The following THBS4 variants were observed in gnomAD, a reference collection of about 807,000 sequenced individuals.
THBS4 encodes the protein thrombospondin-4.
Under a neutral mutation model 115.7 loss-of-function variants are expected in THBS4, and 90 were observed. The ratio of observed to expected loss-of-function variants is 0.78; its 90% confidence interval spans 0.66 to 0.93. THBS4 has a LOEUF of 0.93. Ranked by LOEUF, THBS4 falls within the 40% of genes least tolerant of loss-of-function variation. THBS4 has a pLI of 0.00. For missense variants in THBS4, 1,087 were observed against 1,232.7 expected, an observed-to-expected ratio of 0.88 and a Z score of 1.77; for synonymous variants, 460 against 479.3, an observed-to-expected ratio of 0.96 and a Z score of 0.53.
chr5:80,059,192 T>C (rs572159194), intron 5 of THBS4, among the ~76,000 whole-genome samples: 1 of 151,996 alleles, frequency 6.6e-6, no homozygotes, highest in Non-Finnish European at 1.5e-5. Flanking sequence ...TAGCCAGGCA[T>C]GGTGGTGCAT....
At chr5:80,070,554 C>T (rs1834003412) in intron 11 of THBS4, 89 bp from the exon 12 acceptor site, 3 of 1,417,114 alleles carry the variant, frequency 2.1e-6, no homozygotes, top group Non-Finnish European at 3.0e-6. Context: ...CAGCCACCAA[C>T]AATAAAGCCA....
Position 80,055,845 on chromosome 5 carries a change from A to C in THBS4, c.353A>C (p.Gln118Pro), listed in dbSNP as rs775964797. 1 of 1,614,196 alleles carries C rather than the reference A, an allele frequency of 6.2e-7. No homozygotes were observed. Among genetic ancestry groups the C allele is most frequent in the Non-Finnish European group, 8.5e-7 (1 of 1,180,018 alleles). The change falls in exon 3 of 22, where the codon CAG becomes CCG. Residue 118 changes from glutamine (Q) to proline (P), a missense_variant. By Grantham distance (76) the Gln-to-Pro change is moderately conservative. This residue lies in a region of THBS4 where 979 missense variants were observed against 1,103.7 expected (regional missense o/e 0.89). Coordinates refer to ENST00000350881, the MANE Select transcript of THBS4 (RefSeq NM_003248.6). ...KVHLVVFNNL[Q>P]LADGRRHRIL... The stretch of plus-strand genomic sequence containing the variant: ...CATTTGGTGGTTTTCAACAACCTGC[A>C]GCTGGCAGACGGAAGGCGGCACAGG...
chr5:80,020,771 G>A (rs1254821115), intron 2 of THBS4, among the ~76,000 whole-genome samples: 1 of 152,118 alleles, frequency 6.6e-6, no homozygotes, highest in African/African-American at 2.4e-5. Context: ...TGTCTACCCT[G>A]AGCTTTTCTC....
At chr5:80,079,865 C>A in intron 19 of THBS4, 40 bp from the exon 20 acceptor site, 1 of 1,600,168 alleles carries the variant, frequency 6.2e-7, no homozygotes, top group Non-Finnish European at 8.5e-7. Flanking sequence ...AGGGTGGTGC[C>A]TGTGTCCTGT....
chr5:80,002,960 TA>T, intron 2 of THBS4, among the ~76,000 whole-genome samples: 1 of 152,162 alleles, frequency 6.6e-6, no homozygotes, highest in Middle Eastern at 3.4e-3. Context: ...TCTTTCTCTT[TA>T]AAATTTTAAC....
chr5:80,013,269 A>T (rs1478188854), intron 2 of THBS4, among the ~76,000 whole-genome samples: 2 of 151,934 alleles, frequency 1.3e-5, no homozygotes, highest in African/African-American at 4.8e-5. Context: ...CCTCCCAAGT[A>T]GCTGGGATTA....
rs373743893 is a variant in THBS4 at position 80,040,111 on chromosome 5, A to T, written c.123A>T (p.Leu41=). The T allele has an allele frequency of 1.6e-5, 26 of 1,614,018 alleles. No individual in the cohort carries two copies. Among genetic ancestry groups the T allele is most frequent in the Non-Finnish European group, 2.0e-5 (24 of 1,180,004 alleles). Residue 41 remains leucine (L), a synonymous_variant, in exon 2 of 22, where the codon CTA becomes CTT. Transcript: ENST00000350881. ...TTCTCCCATCTTCCAGTCAGAGGCT[A>T]AACCCAGGCGCTCTGCTGCCAGTCC... The part of the protein sequence containing the change: ...FDLLPSSSQR[L]NPGALLPVLT...
At chr5:79,996,362 G>A (rs374920910) in intron 1 of THBS4, among the ~76,000 whole-genome samples, 10 of 152,136 alleles carry the variant, frequency 6.6e-5, no homozygotes, top group African/African-American at 1.7e-4. Flanking sequence ...GCCCCAGAAT[G>A]TAACAAGATC....
intron 2 of THBS4, among the ~76,000 whole-genome samples, chr5:80,029,737 A>G (rs1428247426): frequency 6.6e-6 from 1 of 151,902 alleles, no homozygotes; most frequent in African/African-American, 2.4e-5. Context: ...AGGCGGGCTG[A>G]TCGTGAGGTC....
At position 80,083,203 on chromosome 5, in the gene THBS4, A is replaced by G; in HGVS notation, c.*62A>G. ...TAAAACCATATATATTTTAACTTCA[A>G]TTTTCTTTAGCTTTTACCAACCCAA... is the stretch of plus-strand genomic sequence containing the variant. On this transcript the variant is annotated 3_prime_UTR_variant, in exon 22 of 22. Transcript: ENST00000350881. 6.9e-7 allele frequency: 1 copy of G among 1,456,834 alleles called. No homozygotes were observed. The highest frequency in any genetic ancestry group is 1.1e-5 in the South Asian group (1 of 87,540). The allele number at this position is 1,456,834 out of a possible 1,614,324, so 90.2% of individuals were successfully genotyped here.
chr5:80,080,280 T>C (rs1384093832), intron 20 of THBS4: 3 of 600,046 alleles, frequency 5.0e-6, no homozygotes, highest in Non-Finnish European at 8.6e-6. Context: ...GACAGGACAG[T>C]AGGACCAAGA....
chr5:80,054,662 AC>A (rs2112081170), intron 2 of THBS4, among the ~76,000 whole-genome samples: 1 of 152,048 alleles, frequency 6.6e-6, no homozygotes, highest in East Asian at 2.0e-4. Flanking sequence ...ATGAGGTCTC[AC>A]TATGTTGCCT....
intron 2 of THBS4, among the ~76,000 whole-genome samples, chr5:80,042,624 G>GTTTCCTCTGAA: frequency 6.6e-6 from 1 of 152,276 alleles, no homozygotes; most frequent in Middle Eastern, 3.4e-3. Flanking sequence ...AGAGGGTAAG[G>GTTTCCTCTGAA]GGATCGTTAG....
At chr5:80,066,094 CAAAAAAA>C (rs34135437) in intron 9 of THBS4, among the ~76,000 whole-genome samples, 5 of 80,698 alleles carry the variant, frequency 6.2e-5, no homozygotes, top group African/African-American at 2.5e-4. Flanking sequence ...GACTCCCTCT[CAAAAAAA>C]AAAAAAAAAA....
In THBS4 at chr5:80,068,038, G is replaced by A. The variant is rs188348620; in HGVS notation, c.1260G>A (p.Ala420=). Residue 420 remains alanine (A), a synonymous_variant, in exon 10 of 22, where the codon GCG becomes GCA. Transcript: ENST00000350881. ...YTGDQIRGCK[A]ERNCRNPELN... ...GTGATCAGATAAGGGGATGCAAAGCGGAAAGAAACTGCAGAAACCCAGAGC... is the reference window on the plus strand; with the variant it reads ...GTGATCAGATAAGGGGATGCAAAGCAGAAAGAAACTGCAGAAACCCAGAGC... 22 of 1,614,190 alleles carry A rather than the reference G, an allele frequency of 1.4e-5. No homozygotes were observed. Among genetic ancestry groups the A allele is most frequent in the South Asian group, 2.2e-5 (2 of 91,082 alleles).
chr5:80,036,841 C>T (rs1270977670), intron 1 of THBS4, among the ~76,000 whole-genome samples: 2 of 152,166 alleles, frequency 1.3e-5, no homozygotes, highest in Admixed American at 6.5e-5. Context: ...TGTTTTTCCT[C>T]TTGTAGCCAG....
intron 2 of THBS4, among the ~76,000 whole-genome samples, chr5:80,021,896 A>C (rs1832385270): frequency 6.6e-6 from 1 of 152,192 alleles, no homozygotes; most frequent in Non-Finnish European, 1.5e-5. Context: ...GTGTAAAAAC[A>C]AACCAGAAAA....
chr5:80,054,170 T>A (rs537545008), intron 2 of THBS4, among the ~76,000 whole-genome samples: 3 of 150,978 alleles, frequency 2.0e-5, no homozygotes, highest in Non-Finnish European at 4.4e-5. Context: ...TTTTTTTTTT[T>A]TTTTGAGACA....
Position 80,055,845 on chromosome 5 carries a change from A to G in THBS4, c.353A>G (p.Gln118Arg), listed in dbSNP as rs775964797. ...KVHLVVFNNLQLADGRRHRIL... is the reference protein window; with the variant it reads ...KVHLVVFNNLRLADGRRHRIL... ...CATTTGGTGGTTTTCAACAACCTGCAGCTGGCAGACGGAAGGCGGCACAGG... is the reference window on the plus strand; with the variant it reads ...CATTTGGTGGTTTTCAACAACCTGCGGCTGGCAGACGGAAGGCGGCACAGG... Residue 118 changes from glutamine to arginine, a missense_variant, in exon 3 of 22, where the codon CAG (glutamine) becomes CGG (arginine). Physicochemically the swap from Gln to Arg is conservative, Grantham distance 43. Coordinates refer to ENST00000350881, the MANE Select transcript of THBS4 (RefSeq NM_003248.6). 1.2e-6 allele frequency: 2 copies of G among 1,614,196 alleles called. No individual in the cohort carries two copies. The highest frequency in any genetic ancestry group is 1.1e-5 in the South Asian group (1 of 91,080).
Sources: allele counts gnomAD v4.1 joint callset (sites outside exome capture counted in the v4.1 genomes callset), GRCh38; gene constraint gnomAD v4.1.1; regional missense constraint gnomAD v4.1.1; transcripts MANE v1.5; gene names NCBI Gene and HGNC (gene_info 2026-07-23, HGNC 2026-07-21).